The following TMEM114 variants were observed in gnomAD, a reference collection of about 807,000 sequenced individuals.
The protein encoded by TMEM114 is claudin-26.
Under a neutral mutation model 6.2 loss-of-function variants are expected in TMEM114, and 6 were observed. That is an observed-to-expected ratio of 0.97 (90% CI 0.53 to 1.91). The LOEUF is 1.91. Among genes scored for constraint, TMEM114 ranks in the 40% most tolerant of loss-of-function variants. The pLI, the probability that TMEM114 is intolerant of heterozygous loss-of-function variation, is 0.01. For missense variants in TMEM114, 218 were observed against 158.3 expected, an observed-to-expected ratio of 1.38 and a Z score of -2.02; for synonymous variants, 104 against 73.0, an observed-to-expected ratio of 1.42 and a Z score of -2.16.
At chr16:8,526,788 A>G in the TMEM114 span, 1 of 152,290 alleles carries the variant, frequency 6.6e-6, no homozygotes, top group East Asian at 1.9e-4. Flanking sequence ...ATCTAGCCAC[A>G]CCAAAATAAT....
At chr16:8,588,583 C>T (rs1416362655) in intron 2 of TMEM114, among the ~76,000 whole-genome samples, 1 of 152,186 alleles carries the variant, frequency 6.6e-6, no homozygotes, top group Non-Finnish European at 1.5e-5. Flanking sequence ...TTTCAGTCCT[C>T]ACAACTTTTA....
chr16:8,563,149 C>A (rs1026622419), intron 2 of TMEM114, among the ~76,000 whole-genome samples: 1 of 108,964 alleles, frequency 9.2e-6, no homozygotes, highest in Non-Finnish European at 1.9e-5. Context: ...AAATGAGTGA[C>A]TGAATGAGTG....
chr16:8,530,146 T>G, the TMEM114 span, among the ~76,000 whole-genome samples: 1 of 152,360 alleles, frequency 6.6e-6, no homozygotes, highest in South Asian at 2.1e-4. Flanking sequence ...ATCCTTTTTT[T>G]GCCTCCAATT....
At chr16:8,585,357 G>A (rs1902286455) in intron 2 of TMEM114, among the ~76,000 whole-genome samples, 1 of 152,162 alleles carries the variant, frequency 6.6e-6, no homozygotes, top group African/African-American at 2.4e-5. Context: ...CCATCTGCCA[G>A]GTGATTACAG....
intron 2 of TMEM114, among the ~76,000 whole-genome samples, chr16:8,543,695 C>T (rs1219521216): frequency 6.6e-6 from 1 of 152,160 alleles, no homozygotes; most frequent in East Asian, 1.9e-4. Flanking sequence ...CTAACATGGA[C>T]TGTATCACCC....
intron 2 of TMEM114, among the ~76,000 whole-genome samples, chr16:8,577,418 G>A (rs1901978816): frequency 6.6e-6 from 1 of 152,014 alleles, no homozygotes; most frequent in Admixed American, 6.5e-5. Context: ...TTGGGTCTGA[G>A]GCCAGCCAGA....
chr16:8,545,885 G>A (rs746621006), intron 2 of TMEM114, among the ~76,000 whole-genome samples: 7 of 152,056 alleles, frequency 4.6e-5, no homozygotes, highest in Non-Finnish European at 8.8e-5. Context: ...GAGGTTGAGG[G>A]AGAAGGATTG....
downstream of TMEM114, among the ~76,000 whole-genome samples, chr16:8,533,282 G>C (rs912246798): frequency 6.6e-6 from 1 of 152,222 alleles, no homozygotes; most frequent in African/African-American, 2.4e-5. Flanking sequence ...TAGAACATCT[G>C]AGTTGAGACC....
At chr16:8,570,544 C>G (rs1185261800) in intron 3 of TMEM114, among the ~76,000 whole-genome samples, 1 of 152,164 alleles carries the variant, frequency 6.6e-6, no homozygotes, top group African/African-American at 2.4e-5. Flanking sequence ...ATTGGCCAGA[C>G]TGGTCTCAAA....
At chr16:8,566,556 G>C (rs1285726112), downstream of TMEM114, among the ~76,000 whole-genome samples, 6 of 152,112 alleles carry the variant, frequency 3.9e-5, no homozygotes, top group Non-Finnish European at 8.8e-5. Flanking sequence ...GATCAGGATA[G>C]AACAGAACAG....
At chr16:8,556,525 G>A (rs1259923698) in intron 2 of TMEM114, among the ~76,000 whole-genome samples, 2 of 151,986 alleles carry the variant, frequency 1.3e-5, no homozygotes, top group Non-Finnish European at 2.9e-5. Context: ...TTTTGAGATG[G>A]AGTTTGGCTC....
Position 8,549,455 on chromosome 16 carries a change from G to C in TMEM114, n.213-11629C>G, listed in dbSNP as rs1900775192. On this transcript the variant is annotated intron_variant and non_coding_transcript_variant, in intron 2 of 2. Transcript: ENST00000623677. ...GCAGAGGTTGCAGTGAGCCACGATT[G>C]AGCCACTTCACTCAAGCCTGGGCAA... 2.1e-5 allele frequency among the ~76,000 whole-genome samples: 3 copies of C among 143,934 alleles called. No individual in the cohort carries two copies. In the South Asian group the frequency reaches 6.5e-4, roughly 31 times the overall value. 94.4% of individuals were successfully genotyped at this position (143,934 alleles called of 152,430 possible).
At chr16:8,539,689 A>G (rs934021696) in intron 2 of TMEM114, among the ~76,000 whole-genome samples, 1 of 152,154 alleles carries the variant, frequency 6.6e-6, no homozygotes, top group Non-Finnish European at 1.5e-5. Flanking sequence ...CACAAGCAAG[A>G]CAGATGTTGT....
At chr16:8,532,550 C>T in the TMEM114 span, among the ~76,000 whole-genome samples, 1 of 152,134 alleles carries the variant, frequency 6.6e-6, no homozygotes, top group Non-Finnish European at 1.5e-5. Flanking sequence ...TCTAGGGGTC[C>T]ATTAAAGAGA....
intron 2 of TMEM114, among the ~76,000 whole-genome samples, chr16:8,582,899 A>G (rs1439882669): frequency 6.6e-6 from 1 of 151,898 alleles, no homozygotes; most frequent in Admixed American, 6.6e-5. Flanking sequence ...ACAAGAAAAG[A>G]GAAAGGAAGG....
At chr16:8,535,810 G>A (rs189899071), downstream of TMEM114, among the ~76,000 whole-genome samples, 540 of 152,330 alleles carry the variant, frequency 3.5e-3, no homozygotes, top group Non-Finnish European at 5.7e-3. Flanking sequence ...TGCCTGGGGT[G>A]TGTGGAACAC....
chr16:8,564,327 T>TAGAGAATGAGTCAGTG lies in TMEM114; in HGVS notation n.212+24870_212+24885dup, dbSNP rs1263425548. 6.0e-5 allele frequency among the ~76,000 whole-genome samples: 8 copies of TAGAGAATGAGTCAGTG among 132,400 alleles called. 1 individual carries two copies. The highest frequency in any genetic ancestry group is 2.6e-4 in the East Asian group (1 of 3,876). 86.9% of individuals were successfully genotyped at this position (132,400 alleles called of 152,430 possible). A position where few individuals can be genotyped will look rare whatever the true frequency, so the allele number is the denominator to read the frequency against. ...TGATGAAATAAGTGAATGAGTGAGT[T>TAGAGAATGAGTCAGTG]AGAGAATGAGTCAGTGAGAGAATGA... On this transcript the variant is annotated intron_variant and non_coding_transcript_variant, in intron 2 of 2. Coordinates refer to the TMEM114 transcript ENST00000623677.
At chr16:8,550,402 C>A (rs1313206363) in intron 2 of TMEM114, among the ~76,000 whole-genome samples, 1 of 152,096 alleles carries the variant, frequency 6.6e-6, no homozygotes, top group Admixed American at 6.6e-5. Flanking sequence ...CCCTCCTGGC[C>A]GGGTGCGGTG....
At chr16:8,559,966 C>G (rs1901144981) in intron 2 of TMEM114, among the ~76,000 whole-genome samples, 2 of 152,086 alleles carry the variant, frequency 1.3e-5, no homozygotes, top group African/African-American at 4.8e-5. Flanking sequence ...CTTTGCGTCT[C>G]TGTTCTGGAA....
Sources: allele counts gnomAD v4.1 joint callset (sites outside exome capture counted in the v4.1 genomes callset), GRCh38; gene constraint gnomAD v4.1.1; transcripts MANE v1.5; gene names NCBI Gene and HGNC (gene_info 2026-07-23, HGNC 2026-07-21).